The following FBN1 variants were observed in gnomAD, a reference collection of about 807,000 sequenced individuals.
The protein encoded by FBN1 is fibrillin-1.
Under a neutral mutation model 365.1 loss-of-function variants are expected in FBN1, and 29 were observed. The observed-to-expected ratio is 0.08, with a 90% CI of 0.06 to 0.11. The LOEUF is 0.11. FBN1 is among the 10% of genes least tolerant of loss of function. The probability of loss-of-function intolerance (pLI) is 1.00; values close to 1 mark genes in which losing one functional copy is unlikely to be tolerated. For synonymous variants in FBN1, 1,210 were observed against 1,270.5 expected (o/e 0.95, Z 1.01); for missense variants, 2,476 against 3,703.2 (o/e 0.67, Z 8.60).
chr15:48,632,637 T>C (rs1002612399), intron 2 of FBN1, among the ~76,000 whole-genome samples: 10 of 152,176 alleles, frequency 6.6e-5, no homozygotes, highest in Non-Finnish European at 1.0e-4. Context: ...TTAGTGATCA[T>C]TGAAAATGAC....
chr15:48,468,014 A>G lies in FBN1; in HGVS notation c.4671T>C (p.Val1557=), dbSNP rs978094803. The G allele has an allele frequency of 6.2e-7, 1 of 1,614,162 alleles. No homozygotes were observed. Among genetic ancestry groups the G allele is most frequent in the Admixed American group, 1.7e-5 (1 of 60,028 alleles). Residue 1557 remains valine (V), a synonymous_variant, in exon 38 of 66, where the codon GTT becomes GTC. Transcript: ENST00000316623. The part of the protein sequence containing the change: ...TACSNEIGVG[V]SKASCCCSLG... ...GAGAACAGCAGCAGGAAGCTTTGGA[A>G]ACACCAACTCCAATTTCATTGCTGC... is the stretch of plus-strand genomic sequence containing the variant.
At chr15:48,555,174 C>A (rs546661222) in intron 6 of FBN1, among the ~76,000 whole-genome samples, 7 of 152,096 alleles carry the variant, frequency 4.6e-5, no homozygotes, top group South Asian at 4.1e-4. Context: ...CCTGTGTTTT[C>A]TTCTTGATCC....
rs765080432 is a variant in FBN1, at chr15:48,460,227, C to T, written c.5296+19G>A. The T allele has an allele frequency of 1.9e-6, 3 of 1,603,396 alleles. No individual in the cohort carries two copies. In the Admixed American group the frequency reaches 5.0e-5, roughly 27 times the overall value. ...AAGGCAAAAAACCAGAAAGTTCTGA[C>T]AATGCCGTCATGACTCACCAACGGG... is the stretch of plus-strand genomic sequence containing the variant. On this transcript the variant is annotated intron_variant, in intron 43 of 65. Transcript: ENST00000316623.
chr15:48,488,017 TG>T, intron 27 of FBN1, 95 bp downstream of exon 27: 1 of 1,517,528 alleles, frequency 6.6e-7, no homozygotes, highest in Non-Finnish European at 9.1e-7. Flanking sequence ...CTGGTTGCAC[TG>T]GGGCAGCAGG....
intron 55 of FBN1, among the ~76,000 whole-genome samples, chr15:48,432,376 G>A (rs1052444396): frequency 1.3e-5 from 2 of 152,164 alleles, no homozygotes; most frequent in Non-Finnish European, 2.9e-5. Context: ...TTAGGAAATT[G>A]CAGGTGTTCA....
At chr15:48,573,071 T>C (rs543119378) in intron 6 of FBN1, among the ~76,000 whole-genome samples, 2 of 152,230 alleles carry the variant, frequency 1.3e-5, no homozygotes, top group Admixed American at 6.5e-5. Context: ...AAAGACCAGC[T>C]CATGGGAGGC....
intron 48 of FBN1, 134 bp downstream of exon 48, chr15:48,445,231 CAAGCCTTTATA>C: frequency 1.9e-6 from 1 of 536,570 alleles, no homozygotes; most frequent in South Asian, 2.0e-5. Context: ...TAAATAAAAA[CAAGCCTTTATA>C]GGGAGGATTA....
intron 6 of FBN1, among the ~76,000 whole-genome samples, chr15:48,586,339 G>T (rs1487035636): frequency 1.3e-5 from 2 of 152,162 alleles, no homozygotes; most frequent in East Asian, 3.9e-4. Context: ...GGCTGGTTGG[G>T]GTGGGGGTTT....
At chr15:48,477,575 C>T (rs941129586) in intron 32 of FBN1, among the ~76,000 whole-genome samples, 2 of 152,116 alleles carry the variant, frequency 1.3e-5, no homozygotes, top group African/African-American at 2.4e-5. Context: ...CTGTGGCAGA[C>T]TTGGACTGTA....
At chr15:48,508,372 T>C (rs1373036893) in intron 15 of FBN1, among the ~76,000 whole-genome samples, 1 of 152,230 alleles carries the variant, frequency 6.6e-6, no homozygotes, top group Non-Finnish European at 1.5e-5. Context: ...AGACCTCAAA[T>C]ACCCTTTCTG....
At chr15:48,501,314 T>G (rs985451745) in intron 17 of FBN1, among the ~76,000 whole-genome samples, 2 of 152,170 alleles carry the variant, frequency 1.3e-5, no homozygotes, top group East Asian at 3.9e-4. Flanking sequence ...ATCATGAGAG[T>G]GACTTTGTTA....
intron 40 of FBN1, among the ~76,000 whole-genome samples, chr15:48,464,748 T>G (rs2043307382): frequency 6.6e-6 from 1 of 152,158 alleles, no homozygotes; most frequent in Non-Finnish European, 1.5e-5. Flanking sequence ...CCGAAGCCAT[T>G]AACAGCTGGC....
intron 63 of FBN1, among the ~76,000 whole-genome samples, chr15:48,419,815 G>C (rs1421771122): frequency 6.6e-6 from 1 of 152,220 alleles, no homozygotes; most frequent in Non-Finnish European, 1.5e-5. Flanking sequence ...AACTAGAACA[G>C]GTTACCAAAG....
intron 2 of FBN1, among the ~76,000 whole-genome samples, chr15:48,628,530 C>T (rs1889928853): frequency 6.6e-6 from 1 of 152,128 alleles, no homozygotes; most frequent in Non-Finnish European, 1.5e-5. Context: ...TGGACCTTTG[C>T]AGAATTATTT....
chr15:48,584,923 T>C (rs2044423961), intron 6 of FBN1, among the ~76,000 whole-genome samples: 1 of 152,220 alleles, frequency 6.6e-6, no homozygotes, highest in South Asian at 2.1e-4. Context: ...AGTTTTCAAG[T>C]GAAGTTTTCA....
intron 13 of FBN1, among the ~76,000 whole-genome samples, chr15:48,513,250 A>T (rs943227037): frequency 1.3e-5 from 2 of 152,210 alleles, no homozygotes; most frequent in Admixed American, 1.3e-4. Flanking sequence ...CATAAAGGAC[A>T]ATTCCACTCT....
rs1232711173 is a variant in FBN1, at chr15:48,590,487, A to C, written c.538+5796T>G. Among the ~76,000 whole-genome samples, 1,152 of 152,328 alleles carry C rather than the reference A, an allele frequency of 7.6e-3. 13 individuals carry two copies. The highest frequency in any genetic ancestry group is 0.027 in the African/African-American group (1,107 of 41,578). On this transcript the variant is annotated intron_variant, in intron 6 of 65. Transcript: ENST00000316623. ...ATGTAGTATTTTTGAAAGTCATTCA[A>C]TAAAATCATTAGAAAGATATCTGTG...
At chr15:48,435,883 T>G (rs959870335) in intron 53 of FBN1, among the ~76,000 whole-genome samples, 5 of 151,580 alleles carry the variant, frequency 3.3e-5, no homozygotes, top group African/African-American at 4.9e-5. Context: ...GGGGAGAATA[T>G]CTCCCCTTAG....
intron 6 of FBN1, among the ~76,000 whole-genome samples, chr15:48,560,413 G>A (rs546359289): frequency 6.6e-6 from 1 of 152,256 alleles, no homozygotes; most frequent in Non-Finnish European, 1.5e-5. Context: ...GATTAAATGT[G>A]ATAATACGTA....
Sources: gnomAD v4.1 joint callset for allele counts (sites outside exome capture counted in the v4.1 genomes callset) on GRCh38, gnomAD v4.1.1 for gene constraint, MANE v1.5 for transcripts, NCBI Gene and HGNC (gene_info 2026-07-23, HGNC 2026-07-21) for gene names.